Variants in LSAMP observed in about 807,000 individuals in gnomAD.
LSAMP encodes limbic system-associated membrane protein.
Under a neutral mutation model 38.6 loss-of-function variants are expected in LSAMP, and 7 were observed. The ratio of observed to expected loss-of-function variants is 0.18; its 90% CI spans 0.10 to 0.34. The LOEUF is 0.34. Ranked by LOEUF, LSAMP falls within the 10% of genes least tolerant of loss-of-function variation. LSAMP has a pLI of 1.00. For missense variants in LSAMP, 313 were observed against 420.0 expected, an observed-to-expected ratio of 0.75 and a Z score of 2.23; for synonymous variants, 154 against 166.8, an observed-to-expected ratio of 0.92 and a Z score of 0.59.
At chr3:115,853,846 C>T (rs1935410141) in intron 3 of LSAMP, among the ~76,000 whole-genome samples, 1 of 152,166 alleles carries the variant, frequency 6.6e-6, no homozygotes, top group Non-Finnish European at 1.5e-5. Flanking sequence ...TCACGATGCT[C>T]CTGGTCATTC....
At chr3:116,160,418 G>A (rs1287527398) in intron 1 of LSAMP, among the ~76,000 whole-genome samples, 1 of 149,792 alleles carries the variant, frequency 6.7e-6, no homozygotes, top group South Asian at 2.1e-4. Context: ...AAGAGAGAGA[G>A]GGAGGGAGGG....
chr3:116,255,333 AAG>A (rs1431527312), intron 1 of LSAMP, among the ~76,000 whole-genome samples: 2 of 152,222 alleles, frequency 1.3e-5, no homozygotes, highest in East Asian at 3.9e-4. Context: ...AAAATCATAC[AAG>A]AGAGAGAAAG....
intron 1 of LSAMP, among the ~76,000 whole-genome samples, chr3:116,242,916 G>C (rs2046557435): frequency 6.6e-6 from 1 of 152,152 alleles, no homozygotes; most frequent in African/African-American, 2.4e-5. Flanking sequence ...GTAAACTCTT[G>C]ATTTGACTGA....
At chr3:116,377,307 C>CTT (rs1416628606) in intron 1 of LSAMP, among the ~76,000 whole-genome samples, 1 of 152,012 alleles carries the variant, frequency 6.6e-6, no homozygotes, top group African/African-American at 2.4e-5. Flanking sequence ...TCAGCTCCCA[C>CTT]TTATAAGTGA....
At chr3:116,042,802 C>G (rs1246783385) in intron 2 of LSAMP, among the ~76,000 whole-genome samples, 3 of 152,160 alleles carry the variant, frequency 2.0e-5, no homozygotes, top group African/African-American at 7.2e-5. Flanking sequence ...GTATGTGTCT[C>G]TGCCAGACAC....
In LSAMP at chr3:116,151,140, A is replaced by G. The variant is rs867609078; in HGVS notation, c.156-64584T>C. Among the ~76,000 whole-genome samples the G allele has an allele frequency of 3.9e-5, 6 of 152,164 alleles. No homozygotes were observed. In the Middle Eastern group the frequency reaches 0.02, roughly 518 times the overall value. ...CCTTTCTTATATTAAGCAAAGATAA[A>G]CCCCTAGGATACACAGCAGAAATTC... On this transcript the variant is annotated intron_variant, in intron 1 of 6. Coordinates refer to ENST00000490035, the MANE Select transcript of LSAMP (RefSeq NM_002338.5).
chr3:115,953,647 G>T (rs1938365100), intron 3 of LSAMP, among the ~76,000 whole-genome samples: 1 of 152,118 alleles, frequency 6.6e-6, no homozygotes, highest in Non-Finnish European at 1.5e-5. Context: ...GATTAAAAGG[G>T]CAAGGTTTTA....
At chr3:116,097,660 G>T (rs973782171) in intron 1 of LSAMP, among the ~76,000 whole-genome samples, 1 of 152,140 alleles carries the variant, frequency 6.6e-6, no homozygotes, top group Non-Finnish European at 1.5e-5. Flanking sequence ...CTACTGTCTG[G>T]TTTGCCTTCC....
At chr3:115,974,775 GA>G (rs764896763) in intron 3 of LSAMP, among the ~76,000 whole-genome samples, 124 of 152,236 alleles carry the variant, frequency 8.1e-4, no homozygotes, top group Middle Eastern at 3.4e-3. Flanking sequence ...TAACAGTGTG[GA>G]GTTTTTTGAA....
At chr3:115,973,215 T>C (rs1404172608) in intron 3 of LSAMP, among the ~76,000 whole-genome samples, 6 of 152,178 alleles carry the variant, frequency 3.9e-5, no homozygotes, top group Non-Finnish European at 8.8e-5. Context: ...ATTTAAATTG[T>C]ACTTTAGAAA....
At chr3:115,846,767 C>T (rs536961334) in intron 4 of LSAMP, among the ~76,000 whole-genome samples, 24 of 152,140 alleles carry the variant, frequency 1.6e-4, no homozygotes, top group African/African-American at 5.5e-4. Flanking sequence ...GAAAAAATAC[C>T]ATTCAGGGGA....
At chr3:116,193,754 C>G (rs1214452015) in intron 1 of LSAMP, among the ~76,000 whole-genome samples, 1 of 152,122 alleles carries the variant, frequency 6.6e-6, no homozygotes, top group Non-Finnish European at 1.5e-5. Context: ...TCCCACCCTT[C>G]CACCCATACT....
intron 1 of LSAMP, among the ~76,000 whole-genome samples, chr3:116,380,487 C>A (rs1325388800): frequency 1.3e-5 from 2 of 151,674 alleles, no homozygotes; most frequent in Non-Finnish European, 2.9e-5. Context: ...TAATCTCTAC[C>A]CATTGTTGCC....
intron 3 of LSAMP, among the ~76,000 whole-genome samples, chr3:115,887,127 A>T (rs1465107535): frequency 6.6e-6 from 1 of 151,968 alleles, no homozygotes; most frequent in East Asian, 1.9e-4. Flanking sequence ...GGAATAGCCT[A>T]TCTAAACAGG....
At chr3:115,818,489 G>A (rs1044282750) in intron 6 of LSAMP, among the ~76,000 whole-genome samples, 23 of 151,960 alleles carry the variant, frequency 1.5e-4, no homozygotes, top group East Asian at 7.8e-4. Context: ...CTCTCTTTGC[G>A]TCAGTTTCAT....
intron 3 of LSAMP, among the ~76,000 whole-genome samples, chr3:115,934,586 A>C (rs74813406): frequency 0.02 from 2,976 of 152,294 alleles, 97 homozygotes; most frequent in African/African-American, 0.067. Context: ...TAAAATGGAC[A>C]CTGTATTATG....
chr3:115,902,396 G>A (rs1318971774), intron 3 of LSAMP, among the ~76,000 whole-genome samples: 4 of 152,022 alleles, frequency 2.6e-5, no homozygotes, highest in Non-Finnish European at 5.9e-5. Flanking sequence ...ATAAAACCCT[G>A]TAAGACAACC....
chr3:116,404,283 TA>T (rs1484918434), intron 1 of LSAMP, among the ~76,000 whole-genome samples: 5 of 152,172 alleles, frequency 3.3e-5, no homozygotes, highest in Admixed American at 2.0e-4. Context: ...TATTATGATC[TA>T]ATAGAGAAAG....
At chr3:116,396,648 A>T (rs145820460) in intron 1 of LSAMP, among the ~76,000 whole-genome samples, 6 of 152,364 alleles carry the variant, frequency 3.9e-5, no homozygotes, top group Middle Eastern at 6.8e-3. Flanking sequence ...AGGATCTAGC[A>T]GTATATCCAT....
Sources: allele counts gnomAD v4.1 joint callset (sites outside exome capture counted in the v4.1 genomes callset), GRCh38; gene constraint gnomAD v4.1.1; transcripts MANE v1.5; gene names NCBI Gene and HGNC (gene_info 2026-07-23, HGNC 2026-07-21).